Variants in FGD4 observed in about 807,000 individuals in gnomAD.
The protein encoded by FGD4 is FYVE, RhoGEF and PH domain-containing protein 4.
Under a neutral mutation model 102.0 loss-of-function variants are expected in FGD4, and 42 were observed. That is an observed-to-expected ratio of 0.41 (90% CI 0.32 to 0.53). FGD4 has a LOEUF of 0.53. FGD4 is among the 20% of genes least tolerant of loss of function. FGD4 has a pLI of 0.21. For missense variants in FGD4, 902 were observed against 1,078.2 expected (o/e 0.84, Z 2.29); for synonymous variants, 380 against 375.7 (o/e 1.01, Z -0.13).
At chr12:32,473,900 AC>A (rs1943510272) in intron 1 of FGD4, among the ~76,000 whole-genome samples, 1 of 152,166 alleles carries the variant, frequency 6.6e-6, no homozygotes, top group East Asian at 1.9e-4. Flanking sequence ...ATCATGGCTA[AC>A]ATGGTGAAAC....
intron 2 of FGD4, among the ~76,000 whole-genome samples, chr12:32,567,587 A>T (rs896360853): frequency 1.3e-5 from 2 of 151,996 alleles, no homozygotes; most frequent in East Asian, 3.9e-4. Flanking sequence ...CAGTTGCTGC[A>T]TTTGCAAAAC....
At chr12:32,538,113 G>T (rs984990061) in intron 1 of FGD4, among the ~76,000 whole-genome samples, 1 of 152,262 alleles carries the variant, frequency 6.6e-6, no homozygotes, top group East Asian at 1.9e-4. Flanking sequence ...GCCCAGGCAG[G>T]TCTCGAACTC....
intron 1 of FGD4, among the ~76,000 whole-genome samples, chr12:32,523,862 C>G (rs541238675): frequency 1.1e-4 from 17 of 152,024 alleles, no homozygotes; most frequent in Middle Eastern, 6.8e-3. Flanking sequence ...CCTGTAGTCC[C>G]AGCTGTTCTG....
chr12:32,562,946 G>A (rs1330456147), intron 1 of FGD4, among the ~76,000 whole-genome samples: 1 of 152,176 alleles, frequency 6.6e-6, no homozygotes, highest in Admixed American at 6.5e-5. Flanking sequence ...CCCAGACGGG[G>A]TGGTGGCCGG....
chr12:32,564,046 AGAGG>A, intron 1 of FGD4, 87 bp from the exon 2 acceptor site: 1 of 1,146,418 alleles, frequency 8.7e-7, no homozygotes, highest in Non-Finnish European at 1.2e-6. Context: ...AGGGGGAGGG[AGAGG>A]GAGTGGGAGA....
intron 1 of FGD4, chr12:32,512,037 T>C (rs1022509161): frequency 6.6e-5 from 10 of 152,224 alleles, no homozygotes; most frequent in Non-Finnish European, 1.3e-4. Flanking sequence ...TTTCTTTGAA[T>C]TATTCTTTTT....
At chr12:32,610,652 G>A in intron 8 of FGD4, 124 bp from the exon 9 acceptor site, 3 of 819,394 alleles carry the variant, frequency 3.7e-6, no homozygotes, top group Non-Finnish European at 5.9e-6. Flanking sequence ...TTTATAAATG[G>A]AAAATGCCAC....
At chr12:32,550,763 T>C (rs1943600912) in intron 1 of FGD4, among the ~76,000 whole-genome samples, 1 of 150,596 alleles carries the variant, frequency 6.6e-6, no homozygotes, top group African/African-American at 2.4e-5. Flanking sequence ...AAACTAGCAA[T>C]TGTGATACTA....
chr12:32,476,749 A>C (rs1018460014), intron 1 of FGD4, among the ~76,000 whole-genome samples: 9 of 152,230 alleles, frequency 5.9e-5, no homozygotes, highest in African/African-American at 1.4e-4. Flanking sequence ...GGCCTCTTAA[A>C]GATTAAGCTC....
At chr12:32,606,042 TGC>T (rs1358473350) in intron 7 of FGD4, among the ~76,000 whole-genome samples, 1 of 152,250 alleles carries the variant, frequency 6.6e-6, no homozygotes, top group African/African-American at 2.4e-5. Flanking sequence ...CTAAGTCTGC[TGC>T]TTATAGTCAC....
chr12:32,492,329 A>G (rs1357528204), intron 1 of FGD4, among the ~76,000 whole-genome samples: 2 of 134,050 alleles, frequency 1.5e-5, no homozygotes, highest in African/African-American at 5.4e-5. Context: ...ACCTGGCATG[A>G]TTGAGAAATA....
chr12:32,582,305 C>A lies in FGD4; in HGVS notation c.849C>A (p.Ser283Arg). ...ATAPASPTTDSCDGNASDSSY... is the reference protein window; with the variant it reads ...ATAPASPTTDRCDGNASDSSY... ...CTCCTGCATCACCCACAACAGACAG[C>A]TGTGATGGAAATGCTTCTGACAGTA... Residue 283 changes from serine (S) to arginine (R), a missense_variant, in exon 4 of 17, where the codon AGC becomes AGA. Around this residue, in one of 2 missense-constraint regions of FGD4, gnomAD observed 443 missense variants for 459.2 expected, o/e 0.96. Transcript: ENST00000534526. 6.2e-7 allele frequency: 1 copy of A among 1,614,194 alleles called. No individual in the cohort carries two copies. The highest frequency in any genetic ancestry group is 1.1e-5 in the South Asian group (1 of 91,084).
chr12:32,642,156 A>G lies in FGD4; in HGVS notation c.*1623A>G, dbSNP rs981082504. 1 of 152,158 alleles carries G rather than the reference A, an allele frequency of 6.6e-6. No homozygotes were observed. Among genetic ancestry groups the G allele is most frequent in the Non-Finnish European group, 1.5e-5 (1 of 67,990 alleles). The allele number at this position is 152,158 out of a possible 1,614,324, so 9.4% of individuals were successfully genotyped here. A position where few individuals can be genotyped will look rare whatever the true frequency, so the allele number is the denominator to read the frequency against. On this transcript the variant is annotated 3_prime_UTR_variant, in exon 17 of 17. Coordinates refer to ENST00000534526, the MANE Select transcript of FGD4 (RefSeq NM_001370298.3). The stretch of plus-strand genomic sequence containing the variant: ...CTGACATAATAGGTTCCCTTCCTCC[A>G]TAAAAGGATTATCAGCCATGATCAT...
chr12:32,451,632 G>A (rs1409174395), intron 1 of FGD4, among the ~76,000 whole-genome samples: 1 of 151,388 alleles, frequency 6.6e-6, no homozygotes, highest in African/African-American at 2.4e-5. Context: ...GGCCGGGCTC[G>A]ATGGCTCACA....
intron 2 of FGD4, among the ~76,000 whole-genome samples, chr12:32,570,864 G>C (rs1165456518): frequency 6.6e-6 from 1 of 152,182 alleles, no homozygotes; most frequent in East Asian, 1.9e-4. Flanking sequence ...TTGTAGAAGA[G>C]CCAAGGATGG....
intron 1 of FGD4, among the ~76,000 whole-genome samples, chr12:32,500,220 C>T (rs1024509276): frequency 6.6e-6 from 1 of 151,502 alleles, no homozygotes; most frequent in Non-Finnish European, 1.5e-5. Context: ...CAGCTCTATA[C>T]CTAAAAAATG....
intron 1 of FGD4, chr12:32,486,104 G>C (rs2136559153): frequency 1.3e-6 from 2 of 1,527,868 alleles, no homozygotes; most frequent in East Asian, 4.9e-5. Flanking sequence ...TTAATCAGAA[G>C]ATTGCTGGAT....
intron 1 of FGD4, among the ~76,000 whole-genome samples, chr12:32,411,255 G>T (rs1268139325): frequency 6.6e-6 from 1 of 151,886 alleles, no homozygotes; most frequent in Non-Finnish European, 1.5e-5. Context: ...AAAACATGTG[G>T]GTGGGACGCG....
intron 3 of FGD4, among the ~76,000 whole-genome samples, chr12:32,580,359 G>A (rs987443782): frequency 2.6e-5 from 4 of 152,138 alleles, no homozygotes; most frequent in Non-Finnish European, 2.9e-5. Flanking sequence ...TGTTATTATT[G>A]TCACAATCAT....
Sources: allele counts gnomAD v4.1 joint callset (sites outside exome capture counted in the v4.1 genomes callset), GRCh38; gene constraint gnomAD v4.1.1; regional missense constraint gnomAD v4.1.1; transcripts MANE v1.5; gene names NCBI Gene and HGNC (gene_info 2026-07-23, HGNC 2026-07-21).